Variants in NEIL3 observed in about 807,000 individuals in gnomAD.
NEIL3 encodes the protein nei like DNA glycosylase 3.
Under a neutral mutation model 57.5 loss-of-function variants are expected in NEIL3, and 48 were observed. That is an observed-to-expected ratio of 0.83 (90% confidence interval 0.66 to 1.06). The LOEUF (loss-of-function observed/expected upper bound fraction) is 1.06, where lower values mean the gene tolerates loss of function less well. Among genes scored for constraint, NEIL3 ranks in the 50% least tolerant of loss-of-function variants. NEIL3 has a pLI of 0.00. For synonymous variants in NEIL3, 261 were observed against 253.2 expected (o/e 1.03, Z -0.29); for missense variants, 717 against 739.1 (o/e 0.97, Z 0.35).
chr4:177,339,621 T>C (rs1735049251), intron 4 of NEIL3, among the ~76,000 whole-genome samples, 162 bp from the exon 5 acceptor site: 1 of 152,184 alleles, frequency 6.6e-6, no homozygotes, highest in Non-Finnish European at 1.5e-5. Context: ...GAAAAAAATC[T>C]GCGTATAAGT....
the NEIL3 span, among the ~76,000 whole-genome samples, chr4:177,370,304 C>A: frequency 2.7e-4 from 41 of 152,272 alleles, no homozygotes; most frequent in African/African-American, 9.4e-4. Context: ...CAAAACTAAT[C>A]TCTTTCTCTC....
chr4:177,351,719 TG>T (rs1735357608), intron 7 of NEIL3, among the ~76,000 whole-genome samples, 170 bp downstream of exon 7: 1 of 152,238 alleles, frequency 6.6e-6, no homozygotes, highest in Non-Finnish European at 1.5e-5. Context: ...AATATTCTGT[TG>T]AGTATTTTTT....
rs769016620 is a variant in NEIL3, at chr4:177,341,499, C to T, written c.726C>T (p.Leu242=). Residue 242 remains leucine, a synonymous_variant, in exon 6 of 10, where the codon CTC becomes CTT. Coordinates refer to ENST00000264596, the MANE Select transcript of NEIL3 (RefSeq NM_018248.3). ...AGTGCCGTAAAGCAGGACTTGCTCT[C>T]TCTAAACACTATAAGGTTTACAAGC... ...FYRCRKAGLA[L]SKHYKVYKRP... 3 of 1,604,578 alleles carry T rather than the reference C, an allele frequency of 1.9e-6. No homozygotes were observed. The highest frequency in any genetic ancestry group is 1.1e-5 in the South Asian group (1 of 89,590).
chr4:177,354,607 A>G (rs115556670), intron 8 of NEIL3, among the ~76,000 whole-genome samples: 124 of 152,032 alleles, frequency 8.2e-4, no homozygotes, highest in Non-Finnish European at 1.6e-3. Context: ...CTGGAGTGCA[A>G]TGGCACAATC....
At chr4:177,359,617 A>G (rs539447983) in intron 8 of NEIL3, among the ~76,000 whole-genome samples, 351 of 152,274 alleles carry the variant, frequency 2.3e-3, no homozygotes, top group African/African-American at 7.9e-3. Context: ...CTGTTTTATC[A>G]TTAAAGAGTT....
Position 177,339,967 on chromosome 4 carries a change from G to A in NEIL3, c.702+110G>A, listed in dbSNP as rs568785696. On this transcript the variant is annotated intron_variant, in intron 5 of 9. Coordinates refer to ENST00000264596, the MANE Select transcript of NEIL3 (RefSeq NM_018248.3). ...TATAGCCATCTAGTGGAAAGAGCATGGAGGTACATTAAGGGAGAGTGACAT... is the reference window on the plus strand; with the variant it reads ...TATAGCCATCTAGTGGAAAGAGCATAGAGGTACATTAAGGGAGAGTGACAT... The A allele has an allele frequency of 1.4e-4, 101 of 697,294 alleles. 1 individual carries two copies. The highest frequency in any genetic ancestry group is 1.2e-3 in the South Asian group (73 of 59,910). The allele number at this position is 697,294 out of a possible 1,614,324, so 43.2% of individuals were successfully genotyped here.
At chr4:177,322,731 GA>G in intron 2 of NEIL3, 151 bp downstream of exon 2, 1 of 844,326 alleles carries the variant, frequency 1.2e-6, no homozygotes, top group Non-Finnish European at 1.8e-6. Context: ...TTCTATCATG[GA>G]AATCAATAAA....
intron 2 of NEIL3, among the ~76,000 whole-genome samples, chr4:177,323,242 CCAATCT>C (rs1476565732): frequency 6.6e-6 from 1 of 152,060 alleles, no homozygotes; most frequent in African/African-American, 2.4e-5. Flanking sequence ...ATATGTCTAC[CCAATCT>C]CATTCTGTCT....
intron 1 of NEIL3, among the ~76,000 whole-genome samples, chr4:177,322,072 C>T (rs1267904274): frequency 6.6e-6 from 1 of 152,204 alleles, no homozygotes; most frequent in Admixed American, 6.5e-5. Flanking sequence ...TATCTGACCA[C>T]TCTTTCAGGG....
chr4:177,345,678 G>GTTTTTT (rs1735204767), intron 6 of NEIL3, among the ~76,000 whole-genome samples: 1 of 118,288 alleles, frequency 8.5e-6, no homozygotes, highest in African/African-American at 3.3e-5. Flanking sequence ...ACCACGCCTG[G>GTTTTTT]CTTTTTTTTT....
rs371852839 is a variant in NEIL3, at chr4:177,358,662, G to T, written c.1461-1841G>T. On this transcript the variant is annotated intron_variant, in intron 8 of 9. Transcript: ENST00000264596. Reference sequence around the variant, plus strand: ...GGAAGAAATGGAGTGGAAGGCAGAAGTGAAGGCAGAGAGATGACATTTGGG... The same window carrying T: ...GGAAGAAATGGAGTGGAAGGCAGAATTGAAGGCAGAGAGATGACATTTGGG... 3.9e-4 allele frequency among the ~76,000 whole-genome samples: 60 copies of T among 152,266 alleles called. 1 individual carries two copies. The highest frequency in any genetic ancestry group is 1.4e-3 in the African/African-American group (59 of 41,564).
At chr4:177,342,501 G>C (rs1735115247) in intron 6 of NEIL3, among the ~76,000 whole-genome samples, 1 of 152,186 alleles carries the variant, frequency 6.6e-6, no homozygotes, top group African/African-American at 2.4e-5. Context: ...TTATAAGCCA[G>C]TAGTACCAGT....
At chr4:177,369,934 T>A in the NEIL3 span, among the ~76,000 whole-genome samples, 1 of 152,150 alleles carries the variant, frequency 6.6e-6, no homozygotes, top group African/African-American at 2.4e-5. Flanking sequence ...CCTGCTACTG[T>A]TATGTGTCAC....
Position 177,360,602 on chromosome 4 carries a change from G to A in NEIL3, c.1560G>A (p.Gly520=). The stretch of plus-strand genomic sequence containing the variant: ...GCCTCTGCATTCTCCGAGTTGTGGG[G>A]AAGGATGGGGAAAACAAGGGCAGGC... ...HNRLCILRVV[G]KDGENKGRQF... is the part of the protein sequence containing the mutation. The change falls in exon 9 of 10, where the codon GGG becomes GGA. Residue 520 remains glycine, a synonymous_variant. Coordinates refer to ENST00000264596, the MANE Select transcript of NEIL3 (RefSeq NM_018248.3). The A allele has an allele frequency of 6.2e-7, 1 of 1,614,068 alleles. No individual in the cohort carries two copies.
At chr4:177,312,901 G>T (rs1185290387) in intron 1 of NEIL3, among the ~76,000 whole-genome samples, 2 of 151,966 alleles carry the variant, frequency 1.3e-5, no homozygotes, top group South Asian at 2.1e-4. Flanking sequence ...TTGTAAACAT[G>T]AAGAGTCTTT....
intron 7 of NEIL3, among the ~76,000 whole-genome samples, chr4:177,351,962 A>G (rs1735362123): frequency 6.6e-6 from 1 of 152,200 alleles, no homozygotes; most frequent in Non-Finnish European, 1.5e-5. Context: ...AAAAATGCTG[A>G]ATTTTTTCTC....
chr4:177,318,613 T>C (rs1207667299), intron 1 of NEIL3, among the ~76,000 whole-genome samples: 2 of 152,318 alleles, frequency 1.3e-5, no homozygotes, highest in East Asian at 3.9e-4. Flanking sequence ...GCCTTTGCTC[T>C]GTCATTCCTT....
chr4:177,354,322 A>T (rs1735429933), intron 8 of NEIL3: 1 of 152,048 alleles, frequency 6.6e-6, no homozygotes, highest in African/African-American at 2.4e-5. Context: ...TGTAAAGTAT[A>T]AAGAAAAATA....
intron 1 of NEIL3, among the ~76,000 whole-genome samples, chr4:177,314,595 A>G (rs1188427449): frequency 6.6e-6 from 1 of 152,186 alleles, no homozygotes; most frequent in African/African-American, 2.4e-5. Flanking sequence ...GTTTGTAATC[A>G]TTTGGTGCCT....
Sources: gnomAD v4.1 joint callset for allele counts (sites outside exome capture counted in the v4.1 genomes callset) on GRCh38, gnomAD v4.1.1 for gene constraint, MANE v1.5 for transcripts, NCBI Gene and HGNC (gene_info 2026-07-23, HGNC 2026-07-21) for gene names.